The following XPO6 variants were observed in gnomAD, a reference collection of about 807,000 sequenced individuals.
XPO6 encodes the protein exportin 6, also known as exportin-6.
In XPO6, 3 loss-of-function variants were observed where a neutral mutation model predicts 130.0. That is an observed-to-expected ratio of 0.02 (90% CI 0.01 to 0.06). XPO6 has a LOEUF of 0.06. Ranked by LOEUF, XPO6 falls within the 10% of genes least tolerant of loss-of-function variation. The pLI, the probability that XPO6 is intolerant of heterozygous loss-of-function variation, is 1.00. For synonymous variants in XPO6, 524 were observed against 548.9 expected (o/e 0.95, Z 0.63); for missense variants, 970 against 1,393.0 (o/e 0.70, Z 4.83).
chr16:28,183,456 T>C (rs2043649448), intron 1 of XPO6: 1 of 145,430 alleles, frequency 6.9e-6, no homozygotes, highest in Non-Finnish European at 1.5e-5. Context: ...AAAACCCAGA[T>C]GCATTTTCCC....
At chr16:28,208,798 G>C (rs2044076376) in intron 1 of XPO6, among the ~76,000 whole-genome samples, 1 of 152,248 alleles carries the variant, frequency 6.6e-6, no homozygotes, top group Non-Finnish European at 1.5e-5. Context: ...TTCCCAAGGG[G>C]AGGAATGTGT....
At chr16:28,184,041 G>A (rs558141422) in intron 1 of XPO6, among the ~76,000 whole-genome samples, 58 of 152,280 alleles carry the variant, frequency 3.8e-4, no homozygotes, top group African/African-American at 1.3e-3. Flanking sequence ...AGCAAGTGGT[G>A]AAGCCAGAAA....
intron 6 of XPO6, 34 bp from the exon 7 acceptor site, chr16:28,156,561 AT>A (rs1365248453): frequency 6.8e-7 from 1 of 1,477,930 alleles, no homozygotes; most frequent in South Asian, 1.4e-5. Flanking sequence ...GCTATCCAGC[AT>A]CAAATCTCTT....
At chr16:28,121,619 TGG>T (rs756138413) in intron 14 of XPO6, 49 bp downstream of exon 14, 4 of 1,325,252 alleles carry the variant, frequency 3.0e-6, no homozygotes, top group Non-Finnish European at 4.4e-6. Flanking sequence ...ATTTGGAGAT[TGG>T]GGGCAAGGTC....
rs950324610 is a variant in XPO6 at position 28,211,947 on chromosome 16, G to T, written c.-579C>A. 1 of 152,232 alleles carries T rather than the reference G, an allele frequency of 6.6e-6. No homozygotes were observed. The highest frequency in any genetic ancestry group is 1.9e-4 in the East Asian group (1 of 5,198). The allele number at this position is 152,232 out of a possible 1,614,324, so 9.4% of individuals were successfully genotyped here. On this transcript the variant is annotated 5_prime_UTR_variant, in exon 1 of 24. The change creates a new upstream start codon in the 5' untranslated region. Coordinates refer to ENST00000304658, the MANE Select transcript of XPO6 (RefSeq NM_015171.4). Reference sequence around the variant, plus strand: ...ACCGCGCGGCCGCCCCCGACCAACAGCCCCAACGCGCCGGAAGTGGCGAGC... The same window carrying T: ...ACCGCGCGGCCGCCCCCGACCAACATCCCCAACGCGCCGGAAGTGGCGAGC...
At chr16:28,210,815 G>T (rs546219386) in intron 1 of XPO6, among the ~76,000 whole-genome samples, 2 of 152,198 alleles carry the variant, frequency 1.3e-5, no homozygotes, top group Non-Finnish European at 2.9e-5. Context: ...AAATCGCTCT[G>T]TTTCCTCATA....
At chr16:28,129,369 A>C (rs988638760) in intron 12 of XPO6, among the ~76,000 whole-genome samples, 5 of 152,246 alleles carry the variant, frequency 3.3e-5, no homozygotes, top group Non-Finnish European at 4.4e-5. Flanking sequence ...AAAGCTGTTC[A>C]GATCCACCCA....
intron 5 of XPO6, among the ~76,000 whole-genome samples, chr16:28,168,781 G>GTT (rs763325251): frequency 2.2e-4 from 28 of 125,810 alleles, no homozygotes; most frequent in Admixed American, 5.5e-4. Flanking sequence ...TTTTTGTTTT[G>GTT]TTTTTTTTTT....
chr16:28,120,277 T>C (rs1217718254), intron 14 of XPO6, among the ~76,000 whole-genome samples: 1 of 152,226 alleles, frequency 6.6e-6, no homozygotes, highest in East Asian at 1.9e-4. Flanking sequence ...TAAGGGTCCA[T>C]GGGTGCTTAT....
intron 14 of XPO6, among the ~76,000 whole-genome samples, chr16:28,120,289 C>T (rs1208261957): frequency 6.6e-6 from 1 of 152,042 alleles, no homozygotes; most frequent in Admixed American, 6.5e-5. Context: ...GGTGCTTATT[C>T]GCCTGTTTTT....
chr16:28,105,432 AC>A (rs1400387979), intron 20 of XPO6, among the ~76,000 whole-genome samples: 3 of 152,220 alleles, frequency 2.0e-5, no homozygotes, highest in Non-Finnish European at 4.4e-5. Context: ...TTAAATAGAC[AC>A]CAGGGGCCAC....
At position 28,101,258 on chromosome 16, in the gene XPO6, C is replaced by T. The variant is rs1315807092; in HGVS notation, c.3276+200G>A. 1 of 666,510 alleles carries T rather than the reference C, an allele frequency of 1.5e-6. No homozygotes were observed. The highest frequency in any genetic ancestry group is 2.1e-5 in the Admixed American group (1 of 47,306). The allele number at this position is 666,510 out of a possible 1,614,324, so 41.3% of individuals were successfully genotyped here. ...AGACTAAGAACATACGTGCTACAGA[C>T]ACCAAGACTGGGGAAAAGGCTGTGC... On this transcript the variant is annotated intron_variant, in intron 23 of 23. Coordinates refer to ENST00000304658, the MANE Select transcript of XPO6 (RefSeq NM_015171.4). The surrounding 1 kb of genome is among the most constrained non-coding windows in gnomAD (Gnocchi z 5.4).
chr16:28,172,936 A>C (rs1215166777), intron 4 of XPO6: 1 of 152,204 alleles, frequency 6.6e-6, no homozygotes, highest in Non-Finnish European at 1.5e-5. Flanking sequence ...AAGGGTTCAA[A>C]CAACCACAGA....
chr16:28,121,519 A>G, intron 14 of XPO6, 151 bp downstream of exon 14: 1 of 687,098 alleles, frequency 1.5e-6, no homozygotes, highest in South Asian at 1.7e-5. Flanking sequence ...CATATAGTCA[A>G]AAAAATCTCT....
chr16:28,140,445 C>G (rs544737888), intron 9 of XPO6, among the ~76,000 whole-genome samples: 1 of 151,986 alleles, frequency 6.6e-6, no homozygotes, highest in Admixed American at 6.5e-5. Context: ...TTTGGGAGGC[C>G]AAGGCGGGCG....
At chr16:28,099,404 G>C (rs1252840171) in intron 23 of XPO6, among the ~76,000 whole-genome samples, 1 of 152,130 alleles carries the variant, frequency 6.6e-6, no homozygotes, top group Non-Finnish European at 1.5e-5. Context: ...TCCTCTTCCA[G>C]AACTCCATTC....
intron 17 of XPO6, 95 bp from the exon 18 acceptor site, chr16:28,107,772 C>T: frequency 6.5e-6 from 9 of 1,377,900 alleles, no homozygotes; most frequent in Non-Finnish European, 6.1e-6. Flanking sequence ...TGCAAAGGTA[C>T]CAAGAAGATG....
intron 5 of XPO6, among the ~76,000 whole-genome samples, chr16:28,168,761 C>A (rs551433769): frequency 3.8e-4 from 57 of 150,798 alleles, no homozygotes; most frequent in African/African-American, 1.4e-3. Context: ...ATCATCACAC[C>A]CAGCTAACTT....
intron 4 of XPO6, among the ~76,000 whole-genome samples, chr16:28,170,290 C>G (rs2043428287): frequency 6.7e-6 from 1 of 149,226 alleles, no homozygotes; most frequent in African/African-American, 2.5e-5. Flanking sequence ...CGAGATCGTG[C>G]CATTGCATTC....
Sources: allele counts gnomAD v4.1 joint callset (sites outside exome capture counted in the v4.1 genomes callset), GRCh38; gene constraint gnomAD v4.1.1; non-coding constraint Gnocchi (gnomAD v3.1); transcripts MANE v1.5; gene names NCBI Gene and HGNC (gene_info 2026-07-23, HGNC 2026-07-21).